LOXL2: variants seen among roughly 807,000 people sequenced by gnomAD.
LOXL2 encodes the protein lysyl oxidase like 2.
A neutral mutation model predicts 93.0 loss-of-function variants in LOXL2; 70 were observed. The ratio of observed to expected loss-of-function variants is 0.75; its 90% confidence interval spans 0.62 to 0.92. The LOEUF (loss-of-function observed/expected upper bound fraction) is 0.92, where lower values mean the gene tolerates loss of function less well. LOXL2 is among the 40% of genes least tolerant of loss of function. The pLI is 0.00. For synonymous variants in LOXL2, 438 were observed against 413.2 expected, an observed-to-expected ratio of 1.06 and a Z score of -0.73; for missense variants, 973 against 1,054.9, an observed-to-expected ratio of 0.92 and a Z score of 1.08.
chr8:23,331,607 A>G (rs554389346), intron 5 of LOXL2: 12 of 152,312 alleles, frequency 7.9e-5, no homozygotes, highest in African/African-American at 2.6e-4. Flanking sequence ...TCCTGAACAC[A>G]GAAATCACAG....
At chr8:23,303,261 C>A (rs1201485856) in intron 11 of LOXL2, 21 bp downstream of exon 11, 1 of 1,491,674 alleles carries the variant, frequency 6.7e-7, no homozygotes. Flanking sequence ...GGCCTCCCAT[C>A]CCCCCACTCC....
intron 1 of LOXL2, among the ~76,000 whole-genome samples, chr8:23,391,537 A>G (rs1397359137): frequency 6.6e-6 from 1 of 152,016 alleles, no homozygotes; most frequent in African/African-American, 2.4e-5. Context: ...CACTACACAC[A>G]CACTCTCTCA....
chr8:23,393,879 C>T (rs1238504652), intron 1 of LOXL2, among the ~76,000 whole-genome samples: 1 of 152,132 alleles, frequency 6.6e-6, no homozygotes, highest in Non-Finnish European at 1.5e-5. Context: ...GGTGATCCCT[C>T]TAGAGGGTAA....
At chr8:23,338,420 TG>T (rs1022503267) in intron 4 of LOXL2, among the ~76,000 whole-genome samples, 40 of 109,824 alleles carry the variant, frequency 3.6e-4, no homozygotes, top group African/African-American at 1.3e-3. Context: ...AGCAGCGGGG[TG>T]GGGGGGCCCA....
At chr8:23,352,060 C>T (rs201648463) in intron 3 of LOXL2, among the ~76,000 whole-genome samples, 2 of 151,308 alleles carry the variant, frequency 1.3e-5, no homozygotes, top group Admixed American at 6.6e-5. Flanking sequence ...TGATCCCCCC[C>T]ACCTTGGCCT....
intron 9 of LOXL2, among the ~76,000 whole-genome samples, chr8:23,313,939 C>G (rs1336646552): frequency 3.2e-5 from 3 of 94,290 alleles, no homozygotes; most frequent in Non-Finnish European, 4.8e-5. Context: ...TGAACTCAAA[C>G]AAATTTACAA....
In LOXL2 at chr8:23,342,320, C is replaced by G. The variant is rs147985851; in HGVS notation, c.532-1117G>C. On this transcript the variant is annotated intron_variant, in intron 3 of 13. Coordinates refer to ENST00000389131, the MANE Select transcript of LOXL2 (RefSeq NM_002318.3). The stretch of plus-strand genomic sequence containing the variant: ...GCTCCAAACTCTATGGAAGCTCCCC[C>G]CTAAATCACTCATGGCCAGCCATCA... Among the ~76,000 whole-genome samples the G allele has an allele frequency of 5.1e-3, 775 of 152,318 alleles. 4 individuals carry two copies. The highest frequency in any genetic ancestry group is 0.018 in the African/African-American group (729 of 41,556).
intron 2 of LOXL2, chr8:23,365,945 C>T (rs1269000166): frequency 6.6e-6 from 1 of 152,278 alleles, no homozygotes; most frequent in African/African-American, 2.4e-5. Flanking sequence ...TTCATATTCC[C>T]TCCACTCCTT....
At chr8:23,357,840 A>G (rs1314545250) in intron 3 of LOXL2, among the ~76,000 whole-genome samples, 1 of 152,160 alleles carries the variant, frequency 6.6e-6, no homozygotes, top group African/African-American at 2.4e-5. Flanking sequence ...TGTGCTTCTC[A>G]TTGCTGTTTA....
intron 6 of LOXL2, 78 bp from the exon 7 acceptor site, chr8:23,322,359 T>G: frequency 7.6e-7 from 1 of 1,321,522 alleles, no homozygotes; most frequent in Non-Finnish European, 1.1e-6. Flanking sequence ...CCCTGGACAA[T>G]AAGAACATGC....
chr8:23,324,955 T>C (rs1278357334), intron 6 of LOXL2, among the ~76,000 whole-genome samples: 1 of 151,622 alleles, frequency 6.6e-6, no homozygotes, highest in African/African-American at 2.4e-5. Flanking sequence ...TGCAAAAGGG[T>C]TTTCAAGCCA....
chr8:23,380,391 C>CAAA (rs1219621037), intron 1 of LOXL2, among the ~76,000 whole-genome samples: 13,317 of 54,026 alleles, frequency 0.25, 972 homozygotes, highest in Admixed American at 0.27. Flanking sequence ...GACTCCGTCT[C>CAAA]AAAAAAAAAA....
At chr8:23,379,348 T>TG (rs1261884093) in intron 1 of LOXL2, among the ~76,000 whole-genome samples, 1 of 152,182 alleles carries the variant, frequency 6.6e-6, no homozygotes, top group African/African-American at 2.4e-5. Context: ...CTGCCCCTAC[T>TG]GGGGGGTGCC....
chr8:23,372,847 T>C (rs1388801111), intron 1 of LOXL2, among the ~76,000 whole-genome samples: 1 of 152,060 alleles, frequency 6.6e-6, no homozygotes, highest in African/African-American at 2.4e-5. Flanking sequence ...CACAGAAAAA[T>C]CCTGGGGTTG....
chr8:23,381,367 G>T (rs1447026825), intron 1 of LOXL2, among the ~76,000 whole-genome samples: 1 of 152,112 alleles, frequency 6.6e-6, no homozygotes, highest in African/African-American at 2.4e-5. Flanking sequence ...CAAAGGGTTT[G>T]TACAAAATCA....
rs1804306415 is a variant in LOXL2, at chr8:23,362,223, G to A, written c.356-1958C>T. On this transcript the variant is annotated intron_variant, in intron 2 of 13. Transcript: ENST00000389131. ...AAAGACACTATGCTAAGTGAAATAA[G>A]CCCATCCCAAAAGACAAATATTGTA... 2.6e-5 allele frequency among the ~76,000 whole-genome samples: 4 copies of A among 152,198 alleles called. No individual in the cohort carries two copies. In the South Asian group the frequency reaches 8.3e-4, roughly 31 times the overall value.
At chr8:23,362,884 A>AT (rs1166034122) in intron 2 of LOXL2, among the ~76,000 whole-genome samples, 1 of 152,134 alleles carries the variant, frequency 6.6e-6, no homozygotes, top group African/African-American at 2.4e-5. Flanking sequence ...TAAACCTCTC[A>AT]TTTTTCTCAC....
At chr8:23,395,601 A>G (rs1364191728) in intron 1 of LOXL2, among the ~76,000 whole-genome samples, 1 of 152,252 alleles carries the variant, frequency 6.6e-6, no homozygotes, top group Non-Finnish European at 1.5e-5. Context: ...GTCTTTTAAA[A>G]AAGAATCTAC....
chr8:23,331,444 C>T (rs1803675593), intron 5 of LOXL2: 1 of 152,246 alleles, frequency 6.6e-6, no homozygotes, highest in African/African-American at 2.4e-5. Flanking sequence ...GCTGTCTCAT[C>T]TACTCATGCC....
Sources: gnomAD v4.1 joint callset for allele counts (sites outside exome capture counted in the v4.1 genomes callset) on GRCh38, gnomAD v4.1.1 for gene constraint, MANE v1.5 for transcripts, NCBI Gene and HGNC (gene_info 2026-07-23, HGNC 2026-07-21) for gene names.